Variants in ATAD2B observed in about 807,000 individuals in gnomAD.
ATAD2B encodes ATPase family AAA domain-containing protein 2B.
ATAD2B carries 40 observed loss-of-function variants against 167.6 expected under a neutral mutation model. The observed-to-expected ratio is 0.24, with a 90% confidence interval of 0.19 to 0.31. The LOEUF is 0.31. Ranked by LOEUF, ATAD2B falls within the 10% of genes least tolerant of loss-of-function variation. The pLI, the probability that ATAD2B is intolerant of heterozygous loss-of-function variation, is 1.00. For synonymous variants in ATAD2B, 579 were observed against 596.5 expected (o/e 0.97, Z 0.43); for missense variants, 1,242 against 1,757.2 (o/e 0.71, Z 5.24).
At chr2:23,909,140 A>T (rs1183975209) in intron 1 of ATAD2B, among the ~76,000 whole-genome samples, 52 of 116,636 alleles carry the variant, frequency 4.5e-4, no homozygotes, top group Admixed American at 1.5e-3. Context: ...ATAATAATAA[A>T]AAAAAAAAAA....
intron 13 of ATAD2B, chr2:23,856,188 CAAAAA>C: frequency 4.3e-5 from 3 of 69,718 alleles, no homozygotes; most frequent in Non-Finnish European, 5.6e-5. Context: ...GACTCCATCT[CAAAAA>C]AAAAAAAAAA....
chr2:23,879,272 G>T (rs967391859), intron 7 of ATAD2B, among the ~76,000 whole-genome samples: 1 of 151,752 alleles, frequency 6.6e-6, no homozygotes, highest in African/African-American at 2.4e-5. Flanking sequence ...TAAACAAATT[G>T]TGATATATCC....
the ATAD2B span, among the ~76,000 whole-genome samples, chr2:23,721,255 C>G: frequency 6.6e-6 from 1 of 152,218 alleles, no homozygotes; most frequent in Admixed American, 6.5e-5. Flanking sequence ...CCCATGCAGA[C>G]AAGTCCCTGA....
At chr2:23,872,753 C>T in intron 8 of ATAD2B, 2 of 975,608 alleles carry the variant, frequency 2.0e-6, no homozygotes, top group East Asian at 2.4e-5. Flanking sequence ...CTCACTGAGG[C>T]ACCAAGTCCT....
intron 23 of ATAD2B, among the ~76,000 whole-genome samples, chr2:23,763,805 TG>T (rs1300954860): frequency 6.6e-6 from 1 of 152,140 alleles, no homozygotes; most frequent in African/African-American, 2.4e-5. Context: ...TTGCCCAGGC[TG>T]GTCTCAAACT....
intron 12 of ATAD2B, among the ~76,000 whole-genome samples, chr2:23,860,117 T>TTC (rs1265952071): frequency 8.6e-5 from 13 of 151,472 alleles, no homozygotes; most frequent in East Asian, 1.9e-4. Flanking sequence ...ATCTTGTGCA[T>TTC]TCTCTCTCTC....
the ATAD2B span, among the ~76,000 whole-genome samples, chr2:23,742,068 G>C: frequency 6.6e-6 from 1 of 152,172 alleles, no homozygotes; most frequent in Non-Finnish European, 1.5e-5. Flanking sequence ...GTGCTGGAGA[G>C]GATGTGGAGA....
chr2:23,760,725 CACACAT>C (rs1558494223), intron 24 of ATAD2B, among the ~76,000 whole-genome samples: 8 of 138,950 alleles, frequency 5.8e-5, no homozygotes, highest in East Asian at 2.1e-4. Flanking sequence ...CACACACACA[CACACAT>C]ATACACACAC....
the ATAD2B span, among the ~76,000 whole-genome samples, chr2:23,724,079 C>T: frequency 7.9e-5 from 12 of 152,062 alleles, no homozygotes; most frequent in African/African-American, 2.7e-4. Flanking sequence ...AAGTTTATCT[C>T]ATGAAAACGA....
At chr2:23,853,722 AGAT>A (rs1692921145) in intron 13 of ATAD2B, among the ~76,000 whole-genome samples, 1 of 152,262 alleles carries the variant, frequency 6.6e-6, no homozygotes, top group African/African-American at 2.4e-5. Flanking sequence ...GTAAATGGAA[AGAT>A]AATAGATGAC....
At chr2:23,888,162 T>A (rs899175389) in intron 3 of ATAD2B, among the ~76,000 whole-genome samples, 177 bp from the exon 4 acceptor site, 1 of 152,200 alleles carries the variant, frequency 6.6e-6, no homozygotes, top group African/African-American at 2.4e-5. Flanking sequence ...CATAAATAAT[T>A]TAAATTTCAG....
chr2:23,769,825 A>T (rs1156776007), intron 22 of ATAD2B, among the ~76,000 whole-genome samples: 1 of 149,184 alleles, frequency 6.7e-6, no homozygotes, highest in East Asian at 2.0e-4. Flanking sequence ...CTGGGATTAC[A>T]GGTGTGTGCC....
chr2:23,884,031 G>C (rs1283873821), intron 6 of ATAD2B, among the ~76,000 whole-genome samples: 1 of 151,956 alleles, frequency 6.6e-6, no homozygotes, highest in East Asian at 1.9e-4. Flanking sequence ...GTAATACTAG[G>C]TACTCGAAAG....
At chr2:23,681,449 G>A in the ATAD2B span, among the ~76,000 whole-genome samples, 177 of 152,220 alleles carry the variant, frequency 1.2e-3, 1 homozygote, top group African/African-American at 4.0e-3. The surrounding 1 kb of genome is among the most constrained non-coding windows in gnomAD (Gnocchi z 4.2). Context: ...AATCATTGCC[G>A]GGACCTCGAT....
At chr2:23,870,162 G>A (rs1695713808) in intron 8 of ATAD2B, among the ~76,000 whole-genome samples, 1 of 148,952 alleles carries the variant, frequency 6.7e-6, no homozygotes, top group Admixed American at 6.8e-5. Flanking sequence ...AGCTGAGATT[G>A]CACCAGTGCA....
the ATAD2B span, among the ~76,000 whole-genome samples, chr2:23,738,995 A>T: frequency 6.6e-6 from 1 of 152,330 alleles, no homozygotes; most frequent in Non-Finnish European, 1.5e-5. Context: ...AACAAGAAGA[A>T]CTAACTATCC....
chr2:23,712,659 G>A, the ATAD2B span, among the ~76,000 whole-genome samples: 1 of 152,158 alleles, frequency 6.6e-6, no homozygotes, highest in African/African-American at 2.4e-5. Context: ...GCTGGGTCAA[G>A]GAGCTGAATA....
At chr2:23,891,916 TA>T (rs1699562861) in intron 2 of ATAD2B, among the ~76,000 whole-genome samples, 3 of 152,236 alleles carry the variant, frequency 2.0e-5, no homozygotes, top group African/African-American at 7.2e-5. Context: ...ATATCAGACT[TA>T]AAAATCATAC....
intron 13 of ATAD2B, among the ~76,000 whole-genome samples, chr2:23,837,326 CA>C (rs1690156344): frequency 6.6e-6 from 1 of 152,206 alleles, no homozygotes; most frequent in Admixed American, 6.5e-5. Flanking sequence ...CCTGCAGGGA[CA>C]GGGGAAGCCT....
Sources: gnomAD v4.1 joint callset for allele counts (sites outside exome capture counted in the v4.1 genomes callset) on GRCh38, gnomAD v4.1.1 for gene constraint, Gnocchi (gnomAD v3.1) non-coding constraint, MANE v1.5 for transcripts, NCBI Gene and HGNC (gene_info 2026-07-23, HGNC 2026-07-21) for gene names.